The following SLIT3 variants were observed in gnomAD, a reference collection of about 807,000 sequenced individuals.
SLIT3 encodes slit homolog 3 protein.
SLIT3 carries 68 observed loss-of-function variants against 184.0 expected under a neutral mutation model. The ratio of observed to expected loss-of-function variants is 0.37; its 90% CI spans 0.30 to 0.45. The LOEUF (loss-of-function observed/expected upper bound fraction) is 0.45, where lower values mean the gene tolerates loss of function less well. Among genes scored for constraint, SLIT3 ranks in the 20% least tolerant of loss-of-function variants. The probability of loss-of-function intolerance (pLI) is 1.00; values close to 1 mark genes in which losing one functional copy is unlikely to be tolerated. For synonymous variants in SLIT3, 831 were observed against 828.6 expected (o/e 1.00, Z -0.05); for missense variants, 1,707 against 2,026.0 (o/e 0.84, Z 3.02).
At chr5:169,260,232 C>G (rs1216724937) in intron 1 of SLIT3, among the ~76,000 whole-genome samples, 1 of 152,148 alleles carries the variant, frequency 6.6e-6, no homozygotes, top group Non-Finnish European at 1.5e-5. Context: ...TAAGAGGCCC[C>G]CATAGCACTT....
intron 6 of SLIT3, among the ~76,000 whole-genome samples, chr5:168,836,479 C>T (rs1361024456): frequency 6.6e-6 from 1 of 152,192 alleles, no homozygotes; most frequent in Non-Finnish European, 1.5e-5. Flanking sequence ...AGGCATGTGG[C>T]TGCTCTACGG....
intron 18 of SLIT3, among the ~76,000 whole-genome samples, chr5:168,750,455 C>A (rs1754657003): frequency 6.6e-6 from 1 of 152,208 alleles, no homozygotes; most frequent in African/African-American, 2.4e-5. Context: ...GGACAGACAG[C>A]CCTTGAGTGG....
rs1760305836 is a variant in SLIT3 at position 168,888,449 on chromosome 5, G to A, written c.414-5113C>T. Among the ~76,000 whole-genome samples the A allele has an allele frequency of 2.0e-5, 3 of 152,364 alleles. No homozygotes were observed. The South Asian group carries it at 6.2e-4, about 32-fold the overall frequency. ...CAGGTGATAGGACCCAGTAGCAACA[G>A]AAGGAACCCAAGGGGATCCACCCCA... On this transcript the variant is annotated intron_variant, in intron 4 of 35. Transcript: ENST00000519560.
chr5:169,298,476 T>G (rs1767582712), intron 1 of SLIT3, among the ~76,000 whole-genome samples: 1 of 152,172 alleles, frequency 6.6e-6, no homozygotes, highest in Non-Finnish European at 1.5e-5. Context: ...TTACTCTTCT[T>G]GGTTTCCCAA....
intron 29 of SLIT3, among the ~76,000 whole-genome samples, chr5:168,691,352 T>C (rs1181986672): frequency 6.6e-6 from 1 of 152,232 alleles, no homozygotes; most frequent in Non-Finnish European, 1.5e-5. Flanking sequence ...GATTGGGCTT[T>C]CTGAGATCTT....
At chr5:168,913,832 T>C (rs1761345398) in intron 4 of SLIT3, among the ~76,000 whole-genome samples, 1 of 152,140 alleles carries the variant, frequency 6.6e-6, no homozygotes, top group Admixed American at 6.5e-5. Flanking sequence ...CACTCTGACC[T>C]CTGGTCTCTT....
rs548992056 is a variant in SLIT3, at chr5:169,251,549, C to G, written c.198-90G>C. 140 of 880,880 alleles carry G rather than the reference C, an allele frequency of 1.6e-4. No individual in the cohort carries two copies. In the African/African-American group the frequency reaches 2.0e-3, roughly 12 times the overall value. 54.6% of individuals were successfully genotyped at this position (880,880 alleles called of 1,614,324 possible). A position where few individuals can be genotyped will look rare whatever the true frequency, so the allele number is the denominator to read the frequency against. On this transcript the variant is annotated intron_variant, in intron 1 of 35. Coordinates refer to ENST00000519560, the MANE Select transcript of SLIT3 (RefSeq NM_003062.4). ...ACTGGCTTGGACTGAAGGGATGTTGCTTGTCCAGAAGGCGGCAATTCTGAT... is the reference window on the plus strand; with the variant it reads ...ACTGGCTTGGACTGAAGGGATGTTGGTTGTCCAGAAGGCGGCAATTCTGAT...
chr5:169,176,598 G>C (rs1762993960), intron 4 of SLIT3, among the ~76,000 whole-genome samples: 1 of 152,036 alleles, frequency 6.6e-6, no homozygotes, highest in South Asian at 2.1e-4. Context: ...TAAAATATTT[G>C]ACATTTTTTC....
intron 26 of SLIT3, 200 bp downstream of exon 26, chr5:168,707,776 T>C (rs1282420110): frequency 1.7e-6 from 1 of 576,778 alleles, no homozygotes; most frequent in African/African-American, 1.9e-5. Flanking sequence ...TATGGGGGCC[T>C]CTCTGACTGG....
intron 4 of SLIT3, among the ~76,000 whole-genome samples, chr5:169,171,605 A>G (rs909789150): frequency 3.9e-5 from 6 of 152,242 alleles, no homozygotes; most frequent in African/African-American, 1.4e-4. Flanking sequence ...AACTGGAGGT[A>G]CACAGATTAG....
chr5:169,211,121 A>T, intron 3 of SLIT3, among the ~76,000 whole-genome samples: 1 of 152,180 alleles, frequency 6.6e-6, no homozygotes. Context: ...CCTGAATCCA[A>T]ACCCAACTGA....
intron 4 of SLIT3, among the ~76,000 whole-genome samples, chr5:168,890,955 C>T (rs956614709): frequency 6.6e-6 from 1 of 152,190 alleles, no homozygotes; most frequent in African/African-American, 2.4e-5. Flanking sequence ...GTTCACATCC[C>T]GGTTCTGCTA....
chr5:169,234,206 T>A (rs771472295), intron 3 of SLIT3, among the ~76,000 whole-genome samples: 1 of 152,168 alleles, frequency 6.6e-6, no homozygotes, highest in African/African-American at 2.4e-5. Flanking sequence ...TAGCTCTACA[T>A]CCTCCTTAGA....
intron 20 of SLIT3, among the ~76,000 whole-genome samples, chr5:168,734,895 C>T (rs922747242): frequency 2.6e-5 from 4 of 152,182 alleles, no homozygotes; most frequent in African/African-American, 9.7e-5. Context: ...TGGAGCCAAG[C>T]ACAAGTTGCT....
chr5:168,685,356 G>A (rs1047155725), intron 31 of SLIT3, among the ~76,000 whole-genome samples: 4 of 152,230 alleles, frequency 2.6e-5, no homozygotes, highest in African/African-American at 9.6e-5. Context: ...TGAGATTCTT[G>A]GATTAGTGGA....
At chr5:169,209,309 C>T (rs955801944) in intron 3 of SLIT3, among the ~76,000 whole-genome samples, 3 of 152,100 alleles carry the variant, frequency 2.0e-5, no homozygotes, top group African/African-American at 7.2e-5. Flanking sequence ...ACCATAGATG[C>T]TAAAAAGGAT....
intron 9 of SLIT3, among the ~76,000 whole-genome samples, chr5:168,804,636 T>C (rs1157410708): frequency 6.6e-6 from 1 of 152,182 alleles, no homozygotes; most frequent in Non-Finnish European, 1.5e-5. Context: ...CAGAAAGGAC[T>C]CTTTACTAAC....
Position 168,696,583 on chromosome 5 carries a change from G to C in SLIT3, c.2943-152C>G, listed in dbSNP as rs74777601. ...AGCACTTTGGACACATGAGGCCTTG[G>C]GGTCCTGAGCAGGAAGACCCTTAGG... On this transcript the variant is annotated intron_variant, in intron 27 of 35. Coordinates refer to ENST00000519560, the MANE Select transcript of SLIT3 (RefSeq NM_003062.4). The C allele has an allele frequency of 2.5e-5, 20 of 808,186 alleles. No homozygotes were observed. The East Asian group carries it at 5.1e-4, about 20-fold the overall frequency. 50.1% of individuals were successfully genotyped at this position (808,186 alleles called of 1,614,324 possible). A position where few individuals can be genotyped will look rare whatever the true frequency, so the allele number is the denominator to read the frequency against.
intron 4 of SLIT3, among the ~76,000 whole-genome samples, chr5:169,171,853 A>G (rs941389660): frequency 3.3e-5 from 5 of 152,228 alleles, no homozygotes; most frequent in African/African-American, 9.6e-5. Context: ...CCAACAACCC[A>G]CCCAGAATGC....
Sources: allele counts gnomAD v4.1 joint callset (sites outside exome capture counted in the v4.1 genomes callset), GRCh38; gene constraint gnomAD v4.1.1; transcripts MANE v1.5; gene names NCBI Gene and HGNC (gene_info 2026-07-23, HGNC 2026-07-21).